Variants in PLOD2 observed in about 807,000 individuals in gnomAD.
The protein encoded by PLOD2 is procollagen-lysine,2-oxoglutarate 5-dioxygenase 2, also known as lysine hydroxylase 2.
PLOD2 carries 65 observed loss-of-function variants against 101.0 expected under a neutral mutation model. The ratio of observed to expected loss-of-function variants is 0.64; its 90% CI spans 0.53 to 0.79. PLOD2 has a LOEUF of 0.79. PLOD2 is among the 30% of genes least tolerant of loss of function. The pLI is 0.00. For synonymous variants in PLOD2, 314 were observed against 302.9 expected (o/e 1.04, Z -0.38); for missense variants, 909 against 914.6 (o/e 0.99, Z 0.08).
At chr3:146,160,130 C>G (rs1159593527) in intron 1 of PLOD2, among the ~76,000 whole-genome samples, 1 of 152,164 alleles carries the variant, frequency 6.6e-6, no homozygotes, top group Non-Finnish European at 1.5e-5. Flanking sequence ...GTGGAAAACT[C>G]CAAGGATTTT....
rs905903603 is a variant in PLOD2 at position 146,071,118 on chromosome 3, C to T, written c.2045G>A (p.Arg682His). ...AGCATCATGATGAGGACGAAGAGAA[C>T]GCTGTCGTTCAGGGGAGTATTTTAC... ...FVVKYSPERQ[R>H]SLRPHHDAST... Residue 682 changes from arginine to histidine, a missense_variant, in exon 19 of 20, where the codon CGT (arginine) becomes CAT (histidine). Physicochemically the swap from Arg to His is conservative, Grantham distance 29 (BLOSUM62 0). Transcript: ENST00000282903. The T allele has an allele frequency of 4.3e-6, 7 of 1,610,570 alleles. No homozygotes were observed. Among genetic ancestry groups the T allele is most frequent in the Non-Finnish European group, 5.1e-6 (6 of 1,177,624 alleles).
intron 11 of PLOD2, 67 bp from the exon 12 acceptor site, chr3:146,081,930 A>G (rs1936556794): frequency 7.0e-7 from 1 of 1,429,678 alleles, no homozygotes; most frequent in Non-Finnish European, 9.6e-7. Flanking sequence ...AAATTACCAC[A>G]GAATTATGTA....
At chr3:146,144,118 T>C (rs182898323) in intron 1 of PLOD2, among the ~76,000 whole-genome samples, 9 of 152,274 alleles carry the variant, frequency 5.9e-5, no homozygotes, top group Non-Finnish European at 1.0e-4. Flanking sequence ...ACAGTACTTA[T>C]AATGGTATTC....
At chr3:146,081,476 T>A (rs1384314350) in intron 12 of PLOD2, among the ~76,000 whole-genome samples, 1 of 152,168 alleles carries the variant, frequency 6.6e-6, no homozygotes, top group East Asian at 1.9e-4. Context: ...AACCATAATG[T>A]GAGTATGGTA....
At chr3:146,152,567 A>T (rs1210387029) in intron 1 of PLOD2, among the ~76,000 whole-genome samples, 1 of 152,172 alleles carries the variant, frequency 6.6e-6, no homozygotes, top group Admixed American at 6.5e-5. Flanking sequence ...CATGGACTCC[A>T]ATCATGGAGA....
chr3:146,091,733 A>G, intron 8 of PLOD2, 67 bp downstream of exon 8: 2 of 919,772 alleles, frequency 2.2e-6, no homozygotes, highest in Non-Finnish European at 3.6e-6. Context: ...TTTTTCCTAT[A>G]AATCACAGTA....
chr3:146,160,830 C>T (rs757979167), intron 1 of PLOD2, 51 bp downstream of exon 1: 8 of 1,165,372 alleles, frequency 6.9e-6, no homozygotes, highest in African/African-American at 3.0e-5. Flanking sequence ...AATGAACTGC[C>T]CCCCCGCCGG....
chr3:146,074,431 A>G (rs1936258944), intron 15 of PLOD2, among the ~76,000 whole-genome samples: 1 of 151,526 alleles, frequency 6.6e-6, no homozygotes, highest in South Asian at 2.1e-4. Flanking sequence ...GAATATTTAT[A>G]CCATAATTTA....
intron 1 of PLOD2, among the ~76,000 whole-genome samples, chr3:146,148,492 CAA>C (rs2031903256): frequency 6.6e-6 from 1 of 152,030 alleles, no homozygotes; most frequent in Non-Finnish European, 1.5e-5. Context: ...TTTTGAAGTT[CAA>C]AGTTAGAGGT....
At chr3:146,148,961 A>G (rs2031927549) in intron 1 of PLOD2, among the ~76,000 whole-genome samples, 1 of 152,236 alleles carries the variant, frequency 6.6e-6, no homozygotes, top group African/African-American at 2.4e-5. Context: ...CTACAACCAC[A>G]ATAAGCATAA....
chr3:146,146,047 T>G (rs992372445), intron 1 of PLOD2, among the ~76,000 whole-genome samples: 2 of 152,178 alleles, frequency 1.3e-5, no homozygotes, highest in Non-Finnish European at 2.9e-5. Context: ...TTGCCTCTAT[T>G]TCATAAGTTT....
intron 1 of PLOD2, among the ~76,000 whole-genome samples, chr3:146,134,435 C>T (rs987444075): frequency 1.3e-5 from 2 of 152,162 alleles, no homozygotes; most frequent in East Asian, 1.9e-4. Flanking sequence ...ACAAATAGAG[C>T]GGACTTTAAT....
intron 4 of PLOD2, among the ~76,000 whole-genome samples, chr3:146,109,729 G>C (rs1275791953): frequency 6.6e-6 from 1 of 152,148 alleles, no homozygotes; most frequent in Non-Finnish European, 1.5e-5. Flanking sequence ...GAGGAATGTG[G>C]TAATTCATTC....
In PLOD2 at chr3:146,121,013, G is replaced by C. The variant is rs560831305; in HGVS notation, c.338+99C>G. ...TAGGATTACAGGCGTGAGCCACCGT[G>C]CCCAACCATATTTTAATACATCATC... is the stretch of plus-strand genomic sequence containing the variant. On this transcript the variant is annotated intron_variant, in intron 3 of 19. Transcript: ENST00000282903. 3 of 983,436 alleles carry C rather than the reference G, an allele frequency of 3.1e-6. No individual in the cohort carries two copies. In the East Asian group the frequency reaches 7.6e-5, roughly 25 times the overall value. The allele number at this position is 983,436 out of a possible 1,614,324, so 60.9% of individuals were successfully genotyped here.
intron 4 of PLOD2, among the ~76,000 whole-genome samples, chr3:146,107,912 G>A (rs921216072): frequency 2.6e-5 from 4 of 152,006 alleles, no homozygotes; most frequent in South Asian, 2.1e-4. Flanking sequence ...CCAAAGTGCT[G>A]AGATTAGAGG....
intron 1 of PLOD2, among the ~76,000 whole-genome samples, chr3:146,153,832 A>C (rs1183451184): frequency 2.0e-5 from 3 of 150,388 alleles, no homozygotes; most frequent in Non-Finnish European, 3.0e-5. Flanking sequence ...CACAGCACAA[A>C]AAAAAAAAAA....
At chr3:146,129,734 C>A (rs2030797327) in intron 1 of PLOD2, among the ~76,000 whole-genome samples, 1 of 152,154 alleles carries the variant, frequency 6.6e-6, no homozygotes, top group South Asian at 2.1e-4. Context: ...GAGATGCTAT[C>A]CAGATTGTTT....
At chr3:146,155,379 T>C (rs2032254681) in intron 1 of PLOD2, among the ~76,000 whole-genome samples, 1 of 152,040 alleles carries the variant, frequency 6.6e-6, no homozygotes, top group Admixed American at 6.6e-5. Flanking sequence ...TCTACTATTC[T>C]AGATAACTAT....
chr3:146,155,635 A>C (rs2032270145), intron 1 of PLOD2, among the ~76,000 whole-genome samples: 2 of 150,822 alleles, frequency 1.3e-5, no homozygotes, highest in African/African-American at 4.9e-5. Context: ...CAATTGCTTG[A>C]ACCCGGGAGG....
Sources: gnomAD v4.1 joint callset for allele counts (sites outside exome capture counted in the v4.1 genomes callset) on GRCh38, gnomAD v4.1.1 for gene constraint, MANE v1.5 for transcripts, NCBI Gene and HGNC (gene_info 2026-07-23, HGNC 2026-07-21) for gene names.